The following ARHGAP29 variants were observed in gnomAD, a reference collection of about 807,000 sequenced individuals.
The protein encoded by ARHGAP29 is Rho GTPase activating protein 29.
A neutral mutation model predicts 122.6 loss-of-function variants in ARHGAP29; 43 were observed. The ratio of observed to expected loss-of-function variants is 0.35; its 90% CI spans 0.27 to 0.45. The LOEUF (loss-of-function observed/expected upper bound fraction) is 0.45. Ranked by LOEUF, ARHGAP29 falls within the 20% of genes least tolerant of loss-of-function variation. The probability of loss-of-function intolerance (pLI) is 1.00; values close to 1 mark genes in which losing one functional copy is unlikely to be tolerated. For synonymous variants in ARHGAP29, 506 were observed against 497.1 expected (o/e 1.02, Z -0.24); for missense variants, 1,303 against 1,477.2 (o/e 0.88, Z 1.93).
the ARHGAP29 span, among the ~76,000 whole-genome samples, chr1:94,290,401 GT>G: frequency 3.3e-5 from 5 of 152,100 alleles, no homozygotes; most frequent in African/African-American, 4.8e-5. Context: ...TTTTTGAAGA[GT>G]TTTTTGTGTC....
chr1:94,184,979 A>G lies in ARHGAP29; in HGVS notation c.2002T>C (p.Leu668=), dbSNP rs1649707360. ...ACTTGTGTGAATTCTGCTCCAAATA[A>G]GTGTATTTTTCCTGGAAGTTTCTGA... ...GHQKLPGKIH[L]FGAEFTQVAK... is the part of the protein sequence containing the mutation. The change falls in exon 18 of 23, where the codon TTA becomes CTA. Residue 668 remains leucine (L), a synonymous_variant. Transcript: ENST00000260526. 1 of 1,613,560 alleles carries G rather than the reference A, an allele frequency of 6.2e-7. No individual in the cohort carries two copies. The highest frequency in any genetic ancestry group is 2.2e-5 in the East Asian group (1 of 44,832).
In ARHGAP29 at chr1:94,172,579, A is replaced by C. The variant is rs1343583225; in HGVS notation, c.*1290T>G. On this transcript the variant is annotated 3_prime_UTR_variant, in exon 23 of 23. Transcript: ENST00000260526. Reference sequence around the variant, plus strand: ...ACTGTAATAGGCAACAACTGAAAAGAAGCCACGGGAACATGAAATAATTTA... The same window carrying C: ...ACTGTAATAGGCAACAACTGAAAAGCAGCCACGGGAACATGAAATAATTTA... 2 of 149,598 alleles carry C rather than the reference A, an allele frequency of 1.3e-5. No homozygotes were observed. Among genetic ancestry groups the C allele is most frequent in the African/African-American group, 2.4e-5 (1 of 40,834 alleles). The allele number at this position is 149,598 out of a possible 1,614,324, so 9.3% of individuals were successfully genotyped here.
intron 1 of ARHGAP29, among the ~76,000 whole-genome samples, chr1:94,274,842 A>C (rs889379711): frequency 2.0e-5 from 3 of 152,214 alleles, no homozygotes; most frequent in Admixed American, 6.5e-5. Flanking sequence ...ATGGGCTTCA[A>C]GCTCAGGCCC....
the ARHGAP29 span, among the ~76,000 whole-genome samples, chr1:94,295,516 T>G: frequency 1.3e-5 from 2 of 152,090 alleles, no homozygotes; most frequent in African/African-American, 4.8e-5. Flanking sequence ...ATGGAGCGAT[T>G]CTAATTGATG....
At chr1:94,224,663 AG>A (rs1652512109) in intron 2 of ARHGAP29, among the ~76,000 whole-genome samples, 1 of 152,208 alleles carries the variant, frequency 6.6e-6, no homozygotes, top group Non-Finnish European at 1.5e-5. Context: ...CAGTGTAAAA[AG>A]GTCCTGGGAG....
intron 3 of ARHGAP29, among the ~76,000 whole-genome samples, chr1:94,212,822 T>C (rs1378439409): frequency 6.6e-6 from 1 of 152,200 alleles, no homozygotes; most frequent in Non-Finnish European, 1.5e-5. Context: ...TCCTGCTCAG[T>C]GTTTCAAAGA....
chr1:94,170,449 G>T lies in ARHGAP29; in HGVS notation c.*3420C>A, dbSNP rs573858772. Among the ~76,000 whole-genome samples the T allele has an allele frequency of 6.6e-4, 100 of 152,290 alleles. No individual in the cohort carries two copies. Among genetic ancestry groups the T allele is most frequent in the Middle Eastern group, 6.8e-3 (2 of 294 alleles). On this transcript the variant is annotated 3_prime_UTR_variant, in exon 23 of 23. Coordinates refer to ENST00000260526, the MANE Select transcript of ARHGAP29 (RefSeq NM_004815.4). ...ATGTTCTGGACTGAATGAAACAAGA[G>T]ATAGGGCAACTAAATGCACTATGTG...
chr1:94,220,273 T>C lies in ARHGAP29; in HGVS notation c.325A>G (p.Thr109Ala), dbSNP rs775019727. 1.2e-6 allele frequency: 2 copies of C among 1,613,250 alleles called. No homozygotes were observed. Among genetic ancestry groups the C allele is most frequent in the East Asian group, 2.2e-5 (1 of 44,794 alleles). The change falls in exon 3 of 23, where the codon ACT becomes GCT. Residue 109 changes from threonine to alanine, a missense_variant. Around this residue, in one of 3 missense-constraint regions of ARHGAP29, gnomAD observed 592 missense variants for 648.2 expected, o/e 0.91. Coordinates refer to ENST00000260526, the MANE Select transcript of ARHGAP29 (RefSeq NM_004815.4). Reference sequence around the variant, plus strand: ...TCTTCCTTACCTTTCACTTTTGCAGTGAGCATTTCTGCAGCATTTTGAAGA... The same window carrying C: ...TCTTCCTTACCTTTCACTTTTGCAGCGAGCATTTCTGCAGCATTTTGAAGA... Reference protein sequence around the residue: ...VDLQNAAEMLTAKVKAVNFTE... With the variant: ...VDLQNAAEMLAAKVKAVNFTE...
At chr1:94,311,877 A>G in the ARHGAP29 span, among the ~76,000 whole-genome samples, 1 of 152,056 alleles carries the variant, frequency 6.6e-6, no homozygotes, top group Non-Finnish European at 1.5e-5. Flanking sequence ...TTCTGTAACT[A>G]TGTTCTTCTC....
rs180968670 is a variant in ARHGAP29 at position 94,219,440 on chromosome 1, C to T, written c.340+818G>A. Among the ~76,000 whole-genome samples the T allele has an allele frequency of 1.3e-4, 20 of 152,244 alleles. No individual in the cohort carries two copies. In the East Asian group the frequency reaches 2.9e-3, roughly 22 times the overall value. Reference sequence around the variant, plus strand: ...ATTCCCAAGTCCACATCTTCAACACCGAACTTCTCCATAACCACTAACATT... The same window carrying T: ...ATTCCCAAGTCCACATCTTCAACACTGAACTTCTCCATAACCACTAACATT... On this transcript the variant is annotated intron_variant, in intron 3 of 22. Coordinates refer to ENST00000260526, the MANE Select transcript of ARHGAP29 (RefSeq NM_004815.4).
chr1:94,231,666 CAA>C, intron 1 of ARHGAP29, 23 bp from the exon 2 acceptor site: 1 of 1,526,962 alleles, frequency 6.5e-7, no homozygotes, highest in Non-Finnish European at 8.9e-7. Context: ...AGAAACAAAA[CAA>C]AAACAAGCGA....
At chr1:94,282,800 C>A in the ARHGAP29 span, among the ~76,000 whole-genome samples, 4 of 152,160 alleles carry the variant, frequency 2.6e-5, no homozygotes, top group Non-Finnish European at 4.4e-5. Context: ...AGAAGAAGAA[C>A]CAAGAATGGG....
rs369229638 is a variant in ARHGAP29, at chr1:94,204,362, T to C, written c.698-368A>G. 2.0e-5 allele frequency among the ~76,000 whole-genome samples: 3 copies of C among 152,298 alleles called. No individual in the cohort carries two copies. The South Asian group carries it at 6.2e-4, about 32-fold the overall frequency. ...AATCAACTGGGAAACTCTTTCAGAA[T>C]ATATTTGCCTCCATTTCACCTCTCT... On this transcript the variant is annotated intron_variant, in intron 7 of 22. Coordinates refer to ENST00000260526, the MANE Select transcript of ARHGAP29 (RefSeq NM_004815.4).
chr1:94,313,474 A>G, the ARHGAP29 span, among the ~76,000 whole-genome samples: 1 of 152,182 alleles, frequency 6.6e-6, no homozygotes, highest in Non-Finnish European at 1.5e-5. Context: ...TTAAGAAGTC[A>G]GGAAACAACA....
chr1:94,286,626 G>GCACT, the ARHGAP29 span, among the ~76,000 whole-genome samples: 2 of 152,034 alleles, frequency 1.3e-5, no homozygotes, highest in South Asian at 4.1e-4. Context: ...TGAGATTATG[G>GCACT]CACTGCACTC....
At chr1:94,241,749 TAA>T (rs200925740), upstream of ARHGAP29, among the ~76,000 whole-genome samples, 2 of 131,318 alleles carry the variant, frequency 1.5e-5, no homozygotes, top group African/African-American at 5.4e-5. Flanking sequence ...TATATATATA[TAA>T]AATCAAATGG....
chr1:94,237,785 G>A (rs1168664550), upstream of ARHGAP29: 7 of 984,788 alleles, frequency 7.1e-6, no homozygotes, highest in Admixed American at 6.1e-5. Flanking sequence ...CACGGGCTGC[G>A]TCGGCTGCCC....
At chr1:94,275,457 C>T (rs1353318088), upstream of ARHGAP29, among the ~76,000 whole-genome samples, 1 of 152,202 alleles carries the variant, frequency 6.6e-6, no homozygotes, top group Non-Finnish European at 1.5e-5. Context: ...TCAGGAGTTC[C>T]TCTTTGTTAG....
chr1:94,290,858 T>C, the ARHGAP29 span, among the ~76,000 whole-genome samples: 1 of 152,236 alleles, frequency 6.6e-6, no homozygotes, highest in Admixed American at 6.5e-5. Context: ...TGGTCAATTT[T>C]AGAATAAGTG....
Sources: allele counts gnomAD v4.1 joint callset (sites outside exome capture counted in the v4.1 genomes callset), GRCh38; gene constraint gnomAD v4.1.1; regional missense constraint gnomAD v4.1.1; transcripts MANE v1.5; gene names NCBI Gene and HGNC (gene_info 2026-07-23, HGNC 2026-07-21).